The following RASGRP2 variants were observed in gnomAD, a reference collection of about 807,000 sequenced individuals.
RASGRP2 encodes the protein RAS guanyl releasing protein 2.
RASGRP2 carries 44 observed loss-of-function variants against 71.0 expected under a neutral mutation model. That is an observed-to-expected ratio of 0.62 (90% confidence interval 0.49 to 0.80). The LOEUF (loss-of-function observed/expected upper bound fraction) is 0.80. Ranked by LOEUF, RASGRP2 falls within the 30% of genes least tolerant of loss-of-function variation. The pLI is 0.00. For missense variants in RASGRP2, 663 were observed against 813.4 expected (o/e 0.82, Z 2.25); for synonymous variants, 350 against 330.7 (o/e 1.06, Z -0.63).
rs768075718 is a variant in RASGRP2, at chr11:64,728,979, G to T, written c.1655C>A (p.Ala552Asp). 13 of 1,610,270 alleles carry T rather than the reference G, an allele frequency of 8.1e-6. No individual in the cohort carries two copies. The highest frequency in any genetic ancestry group is 1.1e-5 in the Non-Finnish European group (13 of 1,179,528). Residue 552 changes from alanine to aspartate, a missense_variant, in exon 15 of 17, where the codon GCC (alanine) becomes GAC (aspartate). By Grantham distance (126) the Ala-to-Asp change is moderately radical (BLOSUM62 -2). Coordinates refer to ENST00000394432, the MANE Select transcript of RASGRP2 (RefSeq NM_001098671.2). The stretch of plus-strand genomic sequence containing the variant: ...AGACCCCTCCAGGCTCACACTCTGG[G>T]CCCTGCGCCGACACTCAACTGACAG... ...DRLSVECRRR[A>D]QSVSLEGSAP...
chr11:64,737,079 C>A, intron 8 of RASGRP2, 45 bp from the exon 9 acceptor site: 1 of 1,608,126 alleles, frequency 6.2e-7, no homozygotes, highest in African/African-American at 1.3e-5. Context: ...AACTATCCTC[C>A]CTACCTCAGC....
chr11:64,742,958 C>T lies in RASGRP2; in HGVS notation c.-71-21G>A, dbSNP rs1041585873. 4 of 1,519,352 alleles carry T rather than the reference C, an allele frequency of 2.6e-6. No homozygotes were observed. Among genetic ancestry groups the T allele is most frequent in the Non-Finnish European group, 3.5e-6 (4 of 1,138,228 alleles). The allele number at this position is 1,519,352 out of a possible 1,614,324, so 94.1% of individuals were successfully genotyped here. On this transcript the variant is annotated intron_variant, in intron 1 of 16. Transcript: ENST00000394432. The surrounding 1 kb of genome is among the most constrained non-coding windows in gnomAD (Gnocchi z 4.7). The stretch of plus-strand genomic sequence containing the variant: ...AACCCCTGTCCCGGGAGAGGCAGAG[C>T]GGGAGTCTGCGGAGTCGCGGGCGGG...
Position 64,739,632 on chromosome 11 carries a change from G to C in RASGRP2, c.696+4C>G. The C allele has an allele frequency of 6.2e-7, 1 of 1,613,062 alleles. No homozygotes were observed. On this transcript the variant is annotated splice_donor_region_variant and intron_variant, in intron 7 of 16. Transcript: ENST00000394432. This position sits in a 1 kb window ranked among gnomAD's most constrained non-coding sequence, Gnocchi z 4.2. ...GGGAGACACCGGGAGGGAGGGGCAG[G>C]CACCTCCGCCACGTGGACAAAGTGT...
In RASGRP2 at chr11:64,743,298, T is replaced by A. The variant is rs1339809132; in HGVS notation, c.-71-361A>T. On this transcript the variant is annotated intron_variant, in intron 1 of 16. Transcript: ENST00000394432. The surrounding 1 kb of genome is among the most constrained non-coding windows in gnomAD (Gnocchi z 4.9). Reference sequence around the variant, plus strand: ...ACCCCGCAGCTCGGCTCTGCGCCCCTCCCGCTTCCCTCCCTCCACAGCCTC... The same window carrying A: ...ACCCCGCAGCTCGGCTCTGCGCCCCACCCGCTTCCCTCCCTCCACAGCCTC... 2.2e-6 allele frequency: 1 copy of A among 461,888 alleles called. No individual in the cohort carries two copies. The highest frequency in any genetic ancestry group is 2.0e-5 in the African/African-American group (1 of 49,908). 28.6% of individuals were successfully genotyped at this position (461,888 alleles called of 1,614,324 possible).
In RASGRP2 at chr11:64,739,366, G is replaced by C; in HGVS notation, c.807C>G (p.Thr269=). 1 of 1,613,816 alleles carries C rather than the reference G, an allele frequency of 6.2e-7. No homozygotes were observed. The highest frequency in any genetic ancestry group is 8.5e-7 in the Non-Finnish European group (1 of 1,179,732). ...CCTCCCCAGTCCCAGGCACCTTGATGGTCTCAGGGCTAACGTGGCTGTGGG... is the reference window on the plus strand; with the variant it reads ...CCTCCCCAGTCCCAGGCACCTTGATCGTCTCAGGGCTAACGTGGCTGTGGG... The part of the protein sequence containing the change: ...KETHSHVSPE[T]IKLWEGLTEL... Residue 269 remains threonine (T), a synonymous_variant, in exon 8 of 17, where the codon ACC becomes ACG. Transcript: ENST00000394432. This position sits in a 1 kb window ranked among gnomAD's most constrained non-coding sequence, Gnocchi z 4.2.
rs1202900714 is a variant in RASGRP2, at chr11:64,744,032, G to T, written c.-101C>A. 1 of 987,882 alleles carries T rather than the reference G, an allele frequency of 1.0e-6. No homozygotes were observed. The allele number at this position is 987,882 out of a possible 1,614,324, so 61.2% of individuals were successfully genotyped here. On this transcript the variant is annotated 5_prime_UTR_variant, in exon 1 of 17. Coordinates refer to ENST00000394432, the MANE Select transcript of RASGRP2 (RefSeq NM_001098671.2). ...CTCGTCCACCCCAGAATGCAAACCC[G>T]CGGACGAGGTCGCCTCCTGGACGTG...
chr11:64,727,349 C>T lies in RASGRP2; in HGVS notation c.1783G>A (p.Glu595Lys), dbSNP rs866966518. 6.2e-7 allele frequency: 1 copy of T among 1,613,922 alleles called. No homozygotes were observed. Among genetic ancestry groups the T allele is most frequent in the Non-Finnish European group, 8.5e-7 (1 of 1,179,906 alleles). ...RGSRPPEIREEEVQTVEDGVF... is the reference protein window; with the variant it reads ...RGSRPPEIREKEVQTVEDGVF... ...CCATCCTCCACCGTCTGTACCTCCT[C>T]CTCACGGATCTCTGCTGGGAGGGGG... Residue 595 changes from glutamate (E) to lysine (K), a missense_variant, in exon 16 of 17, where the codon GAG becomes AAG. By Grantham distance (56) the Glu-to-Lys change is moderately conservative. Coordinates refer to ENST00000394432, the MANE Select transcript of RASGRP2 (RefSeq NM_001098671.2).
At position 64,743,935 on chromosome 11, in the gene RASGRP2, G is replaced by A. The variant is rs1041119294; in HGVS notation, c.-72+68C>T. ...CACAGGCACCGGCCTCCCATCCTCC[G>A]TCTCTCACACACAATGGCACCCACA... On this transcript the variant is annotated intron_variant, in intron 1 of 16. Coordinates refer to ENST00000394432, the MANE Select transcript of RASGRP2 (RefSeq NM_001098671.2). The surrounding 1 kb of genome is among the most constrained non-coding windows in gnomAD (Gnocchi z 4.9). The A allele has an allele frequency of 9.1e-6, 9 of 993,528 alleles. No homozygotes were observed. Among genetic ancestry groups the A allele is most frequent in the Admixed American group, 5.9e-5 (1 of 16,914 alleles). The allele number at this position is 993,528 out of a possible 1,614,324, so 61.5% of individuals were successfully genotyped here.
chr11:64,741,126 C>T, intron 4 of RASGRP2, 47 bp from the exon 5 acceptor site: 1 of 1,604,186 alleles, frequency 6.2e-7, no homozygotes, highest in African/African-American at 1.3e-5. Context: ...CCCACCATCA[C>T]CCAGCAGGCT....
At position 64,736,915 on chromosome 11, in the gene RASGRP2, C is replaced by T. The variant is rs757775928; in HGVS notation, c.933G>A (p.Leu311=). The T allele has an allele frequency of 5.0e-6, 8 of 1,613,850 alleles. No homozygotes were observed. Residue 311 remains leucine, a synonymous_variant, in exon 9 of 17, where the codon CTG becomes CTA. Coordinates refer to ENST00000394432, the MANE Select transcript of RASGRP2 (RefSeq NM_001098671.2). ...FPILGVHLKD[L]VALQLALPDW... The stretch of plus-strand genomic sequence containing the variant: ...CAGGCAGTGCCAGCTGCAGGGCCAC[C>T]AGGTCCTTGAGGTGCACACCCAGGA...
intron 4 of RASGRP2, 134 bp from the exon 5 acceptor site, chr11:64,741,213 C>T: frequency 2.4e-6 from 3 of 1,238,602 alleles, no homozygotes; most frequent in Non-Finnish European, 3.4e-6. Context: ...TCCTTCGCCA[C>T]TCCAAGTGTA....
rs760859520 is a variant in RASGRP2 at position 64,728,911 on chromosome 11, A to AG, written c.1722dup (p.Phe575LeufsTer20). ...CCAGGGCGGGGCAGAGAGAAGCTGA[A>AG]GGCGCGGTGATGGTGGCTGTGCATG... On this transcript the variant is annotated frameshift_variant, in exon 15 of 17. Coordinates refer to ENST00000394432, the MANE Select transcript of RASGRP2 (RefSeq NM_001098671.2). LOFTEE classifies it high-confidence loss of function. 1.9e-6 allele frequency: 3 copies of AG among 1,613,168 alleles called. No individual in the cohort carries two copies. The South Asian group carries it at 3.3e-5, about 18-fold the overall frequency.
chr11:64,733,376 C>T (rs1391914906), intron 12 of RASGRP2, among the ~76,000 whole-genome samples: 1 of 146,304 alleles, frequency 6.8e-6, no homozygotes, highest in Non-Finnish European at 1.5e-5. Context: ...TGATACCCAA[C>T]CAGGGCTTCC....
chr11:64,735,047 C>A lies in RASGRP2; in HGVS notation c.1412+65G>T, dbSNP rs77004138. Reference sequence around the variant, plus strand: ...GTGACCTCATCTTGCACACAAGAAACTGAAGCCCAGGCAGAAGTGGGCTGA... The same window carrying A: ...GTGACCTCATCTTGCACACAAGAAAATGAAGCCCAGGCAGAAGTGGGCTGA... On this transcript the variant is annotated intron_variant, in intron 12 of 16. Coordinates refer to ENST00000394432, the MANE Select transcript of RASGRP2 (RefSeq NM_001098671.2). The surrounding 1 kb of genome is among the most constrained non-coding windows in gnomAD (Gnocchi z 4.2). 9.0e-3 allele frequency: 11,459 copies of A among 1,273,658 alleles called. 92 individuals are homozygous for A. The highest frequency in any genetic ancestry group is 0.031 in the Middle Eastern group (166 of 5,372). 78.9% of individuals were successfully genotyped at this position (1,273,658 alleles called of 1,614,324 possible). A position where few individuals can be genotyped will look rare whatever the true frequency, so the allele number is the denominator to read the frequency against.
rs1352191180 is a variant in RASGRP2 at position 64,744,052 on chromosome 11, GACGTGCTGTTC to G, written c.-132_-122del. 1 of 988,510 alleles carries G rather than the reference GACGTGCTGTTC, an allele frequency of 1.0e-6. No homozygotes were observed. The highest frequency in any genetic ancestry group is 1.7e-5 in the African/African-American group (1 of 57,248). The allele number at this position is 988,510 out of a possible 1,614,324, so 61.2% of individuals were successfully genotyped here. On this transcript the variant is annotated 5_prime_UTR_variant, in exon 1 of 17. The change abolishes the stop of an existing upstream ORF in the 5' untranslated region. Coordinates refer to ENST00000394432, the MANE Select transcript of RASGRP2 (RefSeq NM_001098671.2). ...AACCCGCGGACGAGGTCGCCTCCTG[GACGTGCTGTTC>G]ACTTGAGCCAGGCCAGCCTTGAGTC...
At position 64,743,074 on chromosome 11, in the gene RASGRP2, A is replaced by G; in HGVS notation, c.-71-137T>C. On this transcript the variant is annotated intron_variant, in intron 1 of 16. Coordinates refer to ENST00000394432, the MANE Select transcript of RASGRP2 (RefSeq NM_001098671.2). This position sits in a 1 kb window ranked among gnomAD's most constrained non-coding sequence, Gnocchi z 4.9. ...GTCCCCCGCGGCCACTCCCGGGGTT[A>G]AACGGTCTGGCCCGGGATGGTGCAA... 1.0e-6 allele frequency: 1 copy of G among 996,716 alleles called. No individual in the cohort carries two copies. The highest frequency in any genetic ancestry group is 1.5e-6 in the Non-Finnish European group (1 of 657,616). 61.7% of individuals were successfully genotyped at this position (996,716 alleles called of 1,614,324 possible).
rs1033301809 is a variant in RASGRP2 at position 64,742,444 on chromosome 11, T to G, written c.74-332A>C. 13 of 560,780 alleles carry G rather than the reference T, an allele frequency of 2.3e-5. No individual in the cohort carries two copies. Among genetic ancestry groups the G allele is most frequent in the Non-Finnish European group, 3.5e-5 (11 of 312,172 alleles). The allele number at this position is 560,780 out of a possible 1,614,324, so 34.7% of individuals were successfully genotyped here. On this transcript the variant is annotated intron_variant, in intron 2 of 16. Coordinates refer to ENST00000394432, the MANE Select transcript of RASGRP2 (RefSeq NM_001098671.2). The surrounding 1 kb of genome is among the most constrained non-coding windows in gnomAD (Gnocchi z 4.7). ...GCGCTTGGGGGGAAGGGGCACCCCT[T>G]CACCAGATAAGCCGCCCCCCATTAG...
chr11:64,728,508 A>G (rs1227304607), intron 15 of RASGRP2, among the ~76,000 whole-genome samples: 2 of 151,914 alleles, frequency 1.3e-5, no homozygotes, highest in African/African-American at 4.8e-5. Flanking sequence ...GCTCACTGCA[A>G]GCCCCGCCTC....
chr11:64,735,661 T>C lies in RASGRP2; in HGVS notation c.1177A>G (p.Thr393Ala), dbSNP rs765990424. The change falls in exon 11 of 17, where the codon ACC becomes GCC. Residue 393 changes from threonine to alanine, a missense_variant. Physicochemically the swap from Thr to Ala is moderately conservative, Grantham distance 58 (BLOSUM62 0). Coordinates refer to ENST00000394432, the MANE Select transcript of RASGRP2 (RefSeq NM_001098671.2). This position sits in a 1 kb window ranked among gnomAD's most constrained non-coding sequence, Gnocchi z 4.2. ...GGTGGGGTGCAACTCGTGGGGCTGG[T>C]TGGCTATGGAAATGGTCGGGCCTGA... is the stretch of plus-strand genomic sequence containing the variant. ...QREPRSKSSPTSPTSCTPPPR... is the reference protein window; with the variant it reads ...QREPRSKSSPASPTSCTPPPR... The C allele has an allele frequency of 6.8e-6, 11 of 1,610,890 alleles. No homozygotes were observed. Among genetic ancestry groups the C allele is most frequent in the Non-Finnish European group, 8.5e-6 (10 of 1,178,986 alleles).
Sources: gnomAD v4.1 joint callset for allele counts (sites outside exome capture counted in the v4.1 genomes callset) on GRCh38, gnomAD v4.1.1 for gene constraint, Gnocchi (gnomAD v3.1) non-coding constraint, MANE v1.5 for transcripts, NCBI Gene and HGNC (gene_info 2026-07-23, HGNC 2026-07-21) for gene names.